Variants in BICD2 observed in about 807,000 individuals in gnomAD.
BICD2 encodes the protein protein bicaudal D homolog 2.
Under a neutral mutation model 72.9 loss-of-function variants are expected in BICD2, and 25 were observed. The observed-to-expected ratio is 0.34, with a 90% CI of 0.25 to 0.48. The LOEUF (loss-of-function observed/expected upper bound fraction) is 0.48. Among genes scored for constraint, BICD2 ranks in the 20% least tolerant of loss-of-function variants. The pLI, the probability that BICD2 is intolerant of heterozygous loss-of-function variation, is 0.99. For synonymous variants in BICD2, 501 were observed against 516.1 expected (o/e 0.97, Z 0.40); for missense variants, 894 against 1,175.2 (o/e 0.76, Z 3.50).
At chr9:92,749,024 G>A (rs1168469980) in intron 1 of BICD2, among the ~76,000 whole-genome samples, 1 of 152,096 alleles carries the variant, frequency 6.6e-6, no homozygotes, top group Non-Finnish European at 1.5e-5. Context: ...AGGAGGTGGA[G>A]TTGGTCCCTG....
intron 1 of BICD2, among the ~76,000 whole-genome samples, chr9:92,744,261 C>T (rs1458527175): frequency 6.6e-6 from 1 of 152,184 alleles, no homozygotes; most frequent in African/African-American, 2.4e-5. Context: ...ACCAGTCTCA[C>T]GATGCTGAGT....
intron 1 of BICD2, among the ~76,000 whole-genome samples, chr9:92,734,550 C>A (rs976901133): frequency 6.6e-6 from 1 of 150,868 alleles, no homozygotes; most frequent in East Asian, 1.9e-4. Context: ...ACAAAATCCA[C>A]CTCCCCCACC....
At chr9:92,758,854 C>CA (rs1232897388) in intron 1 of BICD2, among the ~76,000 whole-genome samples, 8,557 of 134,696 alleles carry the variant, frequency 0.064, 720 homozygotes, top group African/African-American at 0.2. Flanking sequence ...AACTCCGTCT[C>CA]AAAAAAAAAA....
At chr9:92,761,041 G>C (rs767381989) in intron 1 of BICD2, among the ~76,000 whole-genome samples, 3 of 152,182 alleles carry the variant, frequency 2.0e-5, no homozygotes, top group Non-Finnish European at 4.4e-5. Flanking sequence ...CAGCTGCCCA[G>C]GTGCTGGGAA....
chr9:92,753,098 A>C (rs1854183029), intron 1 of BICD2, among the ~76,000 whole-genome samples: 1 of 152,238 alleles, frequency 6.6e-6, no homozygotes, highest in South Asian at 2.1e-4. Context: ...CCAAACCCAT[A>C]ATCCCAATCT....
In BICD2 at chr9:92,718,923, GCTGGTGCGGCCCCCGGGA is replaced by G. The variant is rs998616675; in HGVS notation, c.1704_1721del (p.Gly570_Pro575del). 9 of 1,607,506 alleles carry G rather than the reference GCTGGTGCGGCCCCCGGGA, an allele frequency of 5.6e-6. No homozygotes were observed. The highest frequency in any genetic ancestry group is 3.3e-5 in the Admixed American group (2 of 59,792). Reference sequence around the variant, plus strand: ...GTGAGCGCCGGCCACGCGCCTCGGGGCTGGTGCGGCCCCCGGGACTGGTGCGGCCGGCCCCGCCCTGGC... The same window carrying G: ...GTGAGCGCCGGCCACGCGCCTCGGGGCTGGTGCGGCCGGCCCCGCCCTGGC... On this transcript the variant is annotated inframe_deletion, in exon 5 of 7. Coordinates refer to ENST00000356884, the MANE Select transcript of BICD2 (RefSeq NM_001003800.2).
chr9:92,718,926 G>T lies in BICD2; in HGVS notation c.1719C>A (p.Thr573=), dbSNP rs1587668638. Residue 573 remains threonine (T), a synonymous_variant, in exon 5 of 7, where the codon ACC becomes ACA. Transcript: ENST00000356884. ...GAGRTSPGGR[T]SPEARGRRSP... ...AGCGCCGGCCACGCGCCTCGGGGCT[G>T]GTGCGGCCCCCGGGACTGGTGCGGC... 12 of 1,607,856 alleles carry T rather than the reference G, an allele frequency of 7.5e-6. No individual in the cohort carries two copies. The highest frequency in any genetic ancestry group is 1.9e-4 in the Middle Eastern group (1 of 5,252).
intron 1 of BICD2, among the ~76,000 whole-genome samples, chr9:92,751,907 T>TA (rs1380785714): frequency 6.6e-6 from 1 of 151,488 alleles, no homozygotes; most frequent in Non-Finnish European, 1.5e-5. Context: ...TGGGTTCAAG[T>TA]AATTCTCCTG....
intron 1 of BICD2, among the ~76,000 whole-genome samples, chr9:92,740,544 G>A (rs1039941055): frequency 1.3e-5 from 2 of 151,850 alleles, no homozygotes; most frequent in African/African-American, 4.8e-5. Context: ...GGGAGGGGGG[G>A]CGTTGTGGTG....
intron 1 of BICD2, among the ~76,000 whole-genome samples, chr9:92,752,810 G>C (rs1036155563): frequency 6.6e-6 from 1 of 152,146 alleles, no homozygotes; most frequent in African/African-American, 2.4e-5. Context: ...TAATAAACAA[G>C]AGTGGGAGGG....
At chr9:92,746,546 A>G (rs916662516) in intron 1 of BICD2, among the ~76,000 whole-genome samples, 7 of 151,990 alleles carry the variant, frequency 4.6e-5, no homozygotes, top group South Asian at 2.1e-4. Context: ...AAAAAAAAAA[A>G]AAAGAAAGAA....
intron 1 of BICD2, among the ~76,000 whole-genome samples, chr9:92,743,494 C>G (rs2131524272): frequency 6.6e-6 from 1 of 152,186 alleles, no homozygotes; most frequent in East Asian, 1.9e-4. Context: ...CGTGTTCAGC[C>G]TCTTTCCATT....
chr9:92,745,370 C>G lies in BICD2; in HGVS notation c.241-16134G>C, dbSNP rs561792554. Among the ~76,000 whole-genome samples, 15 of 152,042 alleles carry G rather than the reference C, an allele frequency of 9.9e-5. No homozygotes were observed. The South Asian group carries it at 2.9e-3, about 30-fold the overall frequency. On this transcript the variant is annotated intron_variant, in intron 1 of 6. Transcript: ENST00000356884. ...GCCTACTGTTCAGCCCAGTAATGAC[C>G]CAGATCCAAGAACGGTGTAGAGGCA...
intron 1 of BICD2, among the ~76,000 whole-genome samples, chr9:92,753,843 G>A (rs2131532638): frequency 6.6e-6 from 1 of 151,936 alleles, no homozygotes; most frequent in South Asian, 2.1e-4. Flanking sequence ...CCGGCCGGTA[G>A]CACAGTTTTA....
rs1236968530 is a variant in BICD2, at chr9:92,764,384, C to T, written c.240+121G>A. Reference sequence around the variant, plus strand: ...CATACTGCCCGTGCCCCCTCCGCCCCGGCGGCCCACCCCTGCCGGCCCCCG... The same window carrying T: ...CATACTGCCCGTGCCCCCTCCGCCCTGGCGGCCCACCCCTGCCGGCCCCCG... On this transcript the variant is annotated intron_variant, in intron 1 of 6. Transcript: ENST00000356884. This position sits in a 1 kb window ranked among gnomAD's most constrained non-coding sequence, Gnocchi z 5.5. 2 of 1,317,196 alleles carry T rather than the reference C, an allele frequency of 1.5e-6. No individual in the cohort carries two copies. Among genetic ancestry groups the T allele is most frequent in the African/African-American group, 1.6e-5 (1 of 63,858 alleles). The allele number at this position is 1,317,196 out of a possible 1,614,324, so 81.6% of individuals were successfully genotyped here.
At chr9:92,760,961 C>G (rs994253644) in intron 1 of BICD2, among the ~76,000 whole-genome samples, 1 of 152,236 alleles carries the variant, frequency 6.6e-6, no homozygotes, top group Non-Finnish European at 1.5e-5. Flanking sequence ...CTGGGCCTCA[C>G]CCCCAGTAAC....
At position 92,722,813 on chromosome 9, in the gene BICD2, TG is replaced by T. The variant is rs760147880; in HGVS notation, c.454-6del. 1 of 1,613,944 alleles carries T rather than the reference TG, an allele frequency of 6.2e-7. No homozygotes were observed. Among genetic ancestry groups the T allele is most frequent in the Non-Finnish European group, 8.5e-7 (1 of 1,179,992 alleles). Reference sequence around the variant, plus strand: ...GATCTCCACATTCTGGTTGATCTGTTGGGGGAGAGGGAAAGGCAGGTATGAG... The same window carrying T: ...GATCTCCACATTCTGGTTGATCTGTTGGGGAGAGGGAAAGGCAGGTATGAG... On this transcript the variant is annotated splice_region_variant and splice_polypyrimidine_tract_variant and intron_variant, in intron 2 of 6. Coordinates refer to ENST00000356884, the MANE Select transcript of BICD2 (RefSeq NM_001003800.2).
chr9:92,741,390 T>C (rs1054445554), intron 1 of BICD2, among the ~76,000 whole-genome samples: 1 of 152,234 alleles, frequency 6.6e-6, no homozygotes, highest in Non-Finnish European at 1.5e-5. Context: ...ATATTCAGCA[T>C]CTGCTATGAA....
In BICD2 at chr9:92,750,197, TGCTG is replaced by T. The variant is rs760059901; in HGVS notation, c.240+14304_240+14307del. On this transcript the variant is annotated intron_variant, in intron 1 of 6. Coordinates refer to ENST00000356884, the MANE Select transcript of BICD2 (RefSeq NM_001003800.2). ...CTGAGGAGAGGGAACTCTTGTTCAA[TGCTG>T]GCGGAAATACAAAATGGTATTCGCA... 1.2e-4 allele frequency among the ~76,000 whole-genome samples: 18 copies of T among 152,354 alleles called. No homozygotes were observed. In the East Asian group the frequency reaches 1.3e-3, roughly 11 times the overall value.
Sources: allele counts gnomAD v4.1 joint callset (sites outside exome capture counted in the v4.1 genomes callset), GRCh38; gene constraint gnomAD v4.1.1; non-coding constraint Gnocchi (gnomAD v3.1); transcripts MANE v1.5; gene names NCBI Gene and HGNC (gene_info 2026-07-23, HGNC 2026-07-21).